Variants in SUGCT observed in about 807,000 individuals in gnomAD.
SUGCT encodes succinyl-CoA:glutarate CoA-transferase.
A neutral mutation model predicts 55.0 loss-of-function variants in SUGCT; 41 were observed. The ratio of observed to expected loss-of-function variants is 0.74; its 90% CI spans 0.58 to 0.97. The LOEUF (loss-of-function observed/expected upper bound fraction) is 0.97. Ranked by LOEUF, SUGCT falls within the 50% of genes least tolerant of loss-of-function variation. The pLI, the probability that SUGCT is intolerant of heterozygous loss-of-function variation, is 0.00. For missense variants in SUGCT, 568 were observed against 547.8 expected (o/e 1.04, Z -0.37); for synonymous variants, 187 against 200.4 (o/e 0.93, Z 0.56).
At chr7:40,773,241 G>C (rs893076808) in intron 13 of SUGCT, among the ~76,000 whole-genome samples, 1 of 152,016 alleles carries the variant, frequency 6.6e-6, no homozygotes, top group Admixed American at 6.6e-5. Flanking sequence ...CGATTCTCCT[G>C]CCTCAGCCTC....
At chr7:40,459,309 T>C in intron 11 of SUGCT, 111 bp downstream of exon 11, 1 of 703,528 alleles carries the variant, frequency 1.4e-6, no homozygotes, top group Non-Finnish European at 2.3e-6. Flanking sequence ...TGTAATTCTC[T>C]TCCATTTTAC....
intron 13 of SUGCT, among the ~76,000 whole-genome samples, chr7:40,794,435 A>G (rs1790454879): frequency 6.6e-6 from 1 of 152,124 alleles, no homozygotes; most frequent in Admixed American, 6.6e-5. Context: ...CCATTGTTCC[A>G]TGAGATGTAT....
intron 13 of SUGCT, among the ~76,000 whole-genome samples, chr7:40,818,358 C>G (rs1211054445): frequency 6.6e-6 from 1 of 152,216 alleles, no homozygotes; most frequent in Non-Finnish European, 1.5e-5. Flanking sequence ...AGAGGGACCT[C>G]ATAGTCCATA....
At chr7:40,172,602 G>T (rs1218339641) in intron 1 of SUGCT, among the ~76,000 whole-genome samples, 1 of 152,178 alleles carries the variant, frequency 6.6e-6, no homozygotes, top group Non-Finnish European at 1.5e-5. Flanking sequence ...CAGGACCCAG[G>T]ACGTATGGGT....
At chr7:41,019,473 AAC>A in the SUGCT span, among the ~76,000 whole-genome samples, 1 of 152,246 alleles carries the variant, frequency 6.6e-6, no homozygotes. Flanking sequence ...CACATTCATA[AAC>A]ACACATGCAT....
chr7:40,502,924 T>C (rs530456864), intron 12 of SUGCT, among the ~76,000 whole-genome samples: 1 of 152,302 alleles, frequency 6.6e-6, no homozygotes, highest in African/African-American at 2.4e-5. Context: ...AAAAGTCCTA[T>C]ATGGAGTACG....
chr7:40,933,553 A>G, the SUGCT span, among the ~76,000 whole-genome samples: 6 of 152,166 alleles, frequency 3.9e-5, no homozygotes, highest in Non-Finnish European at 7.4e-5. Context: ...CATTCTTCCC[A>G]TCACTTTCAG....
intron 9 of SUGCT, among the ~76,000 whole-genome samples, chr7:40,325,908 T>G (rs1046435870): frequency 2.1e-5 from 3 of 144,170 alleles, no homozygotes; most frequent in African/African-American, 7.7e-5. Context: ...CTTTTTTTTT[T>G]GTTTGTTTTT....
At chr7:40,166,844 G>A (rs1445733822) in intron 1 of SUGCT, among the ~76,000 whole-genome samples, 7 of 147,960 alleles carry the variant, frequency 4.7e-5, no homozygotes, top group Admixed American at 1.4e-4. Context: ...CCGAGATTGC[G>A]CCACTGCACT....
intron 13 of SUGCT, among the ~76,000 whole-genome samples, chr7:40,800,013 G>A (rs1056572696): frequency 1.3e-5 from 2 of 152,190 alleles, no homozygotes; most frequent in Non-Finnish European, 2.9e-5. Context: ...TCCACTCACT[G>A]TGGGCCTGGA....
At chr7:40,573,317 AC>A (rs1796555256) in intron 12 of SUGCT, among the ~76,000 whole-genome samples, 1 of 152,224 alleles carries the variant, frequency 6.6e-6, no homozygotes, top group Non-Finnish European at 1.5e-5. Context: ...GTTACTCAGA[AC>A]AGAACAACTG....
chr7:40,551,973 A>G (rs893043090), intron 12 of SUGCT, among the ~76,000 whole-genome samples: 3 of 152,208 alleles, frequency 2.0e-5, no homozygotes, highest in African/African-American at 7.2e-5. Flanking sequence ...AACTTGAGCT[A>G]CACCATCTTG....
chr7:40,206,669 T>C (rs866795850), intron 6 of SUGCT, among the ~76,000 whole-genome samples: 44 of 152,372 alleles, frequency 2.9e-4, no homozygotes, highest in Middle Eastern at 3.4e-3. Flanking sequence ...ATATAACTTA[T>C]GCACATCCTC....
chr7:40,378,890 C>G (rs771387737), intron 9 of SUGCT, among the ~76,000 whole-genome samples: 4 of 152,144 alleles, frequency 2.6e-5, no homozygotes, highest in Non-Finnish European at 4.4e-5. Flanking sequence ...TGAGATATGT[C>G]CATGTCCTTA....
At chr7:40,231,862 A>C (rs928364300) in intron 6 of SUGCT, among the ~76,000 whole-genome samples, 1 of 152,168 alleles carries the variant, frequency 6.6e-6, no homozygotes, top group South Asian at 2.1e-4. Flanking sequence ...TACTTTGGGA[A>C]GCTGAGGTGG....
chr7:40,784,786 C>T (rs1386521016), intron 13 of SUGCT, among the ~76,000 whole-genome samples: 1 of 152,058 alleles, frequency 6.6e-6, no homozygotes, highest in Non-Finnish European at 1.5e-5. Context: ...GGCTTTTGTC[C>T]TTATATGTTT....
At chr7:40,809,960 C>A (rs1005918874) in intron 13 of SUGCT, among the ~76,000 whole-genome samples, 2 of 152,092 alleles carry the variant, frequency 1.3e-5, no homozygotes, top group African/African-American at 4.8e-5. Context: ...TACATGATTT[C>A]ATTCTTTTTT....
At chr7:40,746,844 C>T (rs1374850305) in intron 12 of SUGCT, among the ~76,000 whole-genome samples, 2 of 152,210 alleles carry the variant, frequency 1.3e-5, no homozygotes, top group African/African-American at 2.4e-5. Flanking sequence ...TAGCTAAGAA[C>T]ACTCACTTTT....
intron 9 of SUGCT, among the ~76,000 whole-genome samples, chr7:40,409,391 T>C (rs934975267): frequency 1.3e-5 from 2 of 152,074 alleles, no homozygotes; most frequent in African/African-American, 4.8e-5. Flanking sequence ...AGCCTCCAAG[T>C]AGGGACTACA....
Sources: gnomAD v4.1 joint callset for allele counts (sites outside exome capture counted in the v4.1 genomes callset) on GRCh38, gnomAD v4.1.1 for gene constraint, MANE v1.5 for transcripts, NCBI Gene and HGNC (gene_info 2026-07-23, HGNC 2026-07-21) for gene names.